TBC1D19: variants seen among roughly 807,000 people sequenced by gnomAD.
TBC1D19 encodes the protein TBC1 domain family member 19.
A neutral mutation model predicts 89.0 loss-of-function variants in TBC1D19; 60 were observed. That is an observed-to-expected ratio of 0.67 (90% CI 0.55 to 0.84). TBC1D19 has a LOEUF of 0.84. TBC1D19 is among the 40% of genes least tolerant of loss of function. The pLI is 0.00. For missense variants in TBC1D19, 500 were observed against 610.8 expected (o/e 0.82, Z 1.91); for synonymous variants, 189 against 199.7 (o/e 0.95, Z 0.45).
chr4:26,698,848 A>G (rs1216934547), intron 13 of TBC1D19, among the ~76,000 whole-genome samples: 2 of 152,226 alleles, frequency 1.3e-5, no homozygotes, highest in Admixed American at 6.5e-5. Context: ...CTTACACCTT[A>G]TACAAAAATT....
chr4:26,698,586 G>A (rs1343028732), intron 13 of TBC1D19, among the ~76,000 whole-genome samples: 1 of 152,096 alleles, frequency 6.6e-6, no homozygotes, highest in Non-Finnish European at 1.5e-5. Context: ...CAAAGCTGGA[G>A]GCATCACACT....
intron 5 of TBC1D19, among the ~76,000 whole-genome samples, chr4:26,637,907 A>T (rs545392397): frequency 6.6e-6 from 1 of 152,270 alleles, no homozygotes; most frequent in African/African-American, 2.4e-5. Flanking sequence ...TAGTCTCCTT[A>T]CCTTTTGGCT....
At chr4:26,667,436 T>C (rs1047192362) in intron 9 of TBC1D19, among the ~76,000 whole-genome samples, 1 of 152,104 alleles carries the variant, frequency 6.6e-6, no homozygotes, top group African/African-American at 2.4e-5. Context: ...TTGAACTTCA[T>C]ATGAATAGAA....
intron 18 of TBC1D19, among the ~76,000 whole-genome samples, chr4:26,745,967 C>T (rs1184857953): frequency 6.6e-6 from 1 of 152,134 alleles, no homozygotes; most frequent in Admixed American, 6.5e-5. Context: ...GTTCTCACCA[C>T]TTTGATTATG....
intron 1 of TBC1D19, among the ~76,000 whole-genome samples, chr4:26,605,741 C>T (rs536170318): frequency 1.7e-3 from 252 of 152,256 alleles, no homozygotes; most frequent in African/African-American, 5.9e-3. Flanking sequence ...TTAATGATCG[C>T]CATTCTAACT....
At chr4:26,586,111 A>G (rs1739395611) in intron 1 of TBC1D19, among the ~76,000 whole-genome samples, 1 of 148,274 alleles carries the variant, frequency 6.7e-6, no homozygotes, top group South Asian at 2.2e-4. Context: ...TCCTAAATGT[A>G]GAAGTGTGAT....
intron 7 of TBC1D19, among the ~76,000 whole-genome samples, chr4:26,646,569 C>T (rs938211533): frequency 3.9e-5 from 6 of 152,174 alleles, no homozygotes; most frequent in Admixed American, 2.0e-4. Flanking sequence ...ACCTAAATGT[C>T]CATCAATAAT....
At chr4:26,720,330 G>T (rs1001904437) in intron 15 of TBC1D19, among the ~76,000 whole-genome samples, 1 of 152,046 alleles carries the variant, frequency 6.6e-6, no homozygotes, top group African/African-American at 2.4e-5. Flanking sequence ...TTCTCCCTGG[G>T]ACCAACAGTA....
At chr4:26,758,290 A>G (rs1045973048), downstream of TBC1D19, among the ~76,000 whole-genome samples, 1 of 152,212 alleles carries the variant, frequency 6.6e-6, no homozygotes, top group African/African-American at 2.4e-5. Flanking sequence ...AGATGCAAGC[A>G]GAAATTTGTC....
chr4:26,774,973 A>C, the TBC1D19 span, among the ~76,000 whole-genome samples: 16 of 152,336 alleles, frequency 1.1e-4, no homozygotes, highest in South Asian at 2.1e-3. Flanking sequence ...AAGTTTGCTG[A>C]GAGTTTTTTT....
the TBC1D19 span, among the ~76,000 whole-genome samples, chr4:26,848,874 C>T: frequency 6.6e-6 from 1 of 152,160 alleles, no homozygotes; most frequent in Non-Finnish European, 1.5e-5. Flanking sequence ...GTACTAGGTG[C>T]TTTCCAAGTG....
At chr4:26,837,003 G>T in the TBC1D19 span, among the ~76,000 whole-genome samples, 1 of 152,172 alleles carries the variant, frequency 6.6e-6, no homozygotes, top group African/African-American at 2.4e-5. Context: ...GACCCATATT[G>T]CCTTGAAGAC....
chr4:26,779,543 G>A, the TBC1D19 span, among the ~76,000 whole-genome samples: 1 of 152,190 alleles, frequency 6.6e-6, no homozygotes, highest in Non-Finnish European at 1.5e-5. Context: ...CTTTTCCCTG[G>A]GTTCCTGTCT....
At chr4:26,767,396 C>T in the TBC1D19 span, among the ~76,000 whole-genome samples, 1 of 152,168 alleles carries the variant, frequency 6.6e-6, no homozygotes, top group African/African-American at 2.4e-5. Context: ...ATTTCCATTT[C>T]TGTCCGAGAT....
the TBC1D19 span, among the ~76,000 whole-genome samples, chr4:26,817,742 C>T: frequency 3.2e-4 from 48 of 151,878 alleles, no homozygotes; most frequent in African/African-American, 1.0e-3. Context: ...CTGAGGTGGG[C>T]GGATCACCTG....
chr4:26,760,676 G>A (rs1318617129), downstream of TBC1D19, among the ~76,000 whole-genome samples: 2 of 152,116 alleles, frequency 1.3e-5, no homozygotes, highest in African/African-American at 4.8e-5. Flanking sequence ...TTAACTATGA[G>A]ATAGTTAATA....
intron 2 of TBC1D19, 78 bp downstream of exon 2, chr4:26,613,319 CT>C: frequency 1.2e-6 from 1 of 847,626 alleles, no homozygotes; most frequent in South Asian, 1.8e-5. Flanking sequence ...AGCCCTCAAG[CT>C]TGTACAACCA....
chr4:26,627,324 A>T (rs933122685), intron 4 of TBC1D19, among the ~76,000 whole-genome samples: 43 of 152,172 alleles, frequency 2.8e-4, no homozygotes, highest in Non-Finnish European at 5.0e-4. Flanking sequence ...AGTCTTTGCT[A>T]TTGTGAATAG....
chr4:26,740,979 C>G, intron 17 of TBC1D19: 1 of 978,778 alleles, frequency 1.0e-6, no homozygotes, highest in Non-Finnish European at 1.2e-6. Flanking sequence ...GGTTTCTTAT[C>G]TCTAAGAGAA....
Sources: gnomAD v4.1 joint callset for allele counts (sites outside exome capture counted in the v4.1 genomes callset) on GRCh38, gnomAD v4.1.1 for gene constraint, MANE v1.5 for transcripts, NCBI Gene and HGNC (gene_info 2026-07-23, HGNC 2026-07-21) for gene names.